The following PDE4D variants were observed in gnomAD, a reference collection of about 807,000 sequenced individuals.
PDE4D encodes phosphodiesterase 4D.
In PDE4D, 24 loss-of-function variants were observed where a neutral mutation model predicts 87.4. The observed-to-expected ratio is 0.27, with a 90% CI of 0.20 to 0.39. PDE4D has a LOEUF of 0.39. PDE4D is among the 10% of genes least tolerant of loss of function. The pLI is 1.00. For synonymous variants in PDE4D, 384 were observed against 383.2 expected (o/e 1.00, Z -0.02); for missense variants, 714 against 1,041.0 (o/e 0.69, Z 4.32).
chr5:59,546,895 T>C (rs932855795), intron 1 of PDE4D, among the ~76,000 whole-genome samples: 1 of 152,136 alleles, frequency 6.6e-6, no homozygotes, highest in Non-Finnish European at 1.5e-5. Flanking sequence ...CTGAACTGGG[T>C]GAGTATACTC....
At chr5:59,434,032 C>T (rs1210024506) in intron 1 of PDE4D, among the ~76,000 whole-genome samples, 2 of 145,982 alleles carry the variant, frequency 1.4e-5, no homozygotes, top group Non-Finnish European at 3.0e-5. Context: ...CTAAAGAAGT[C>T]TCATCTTTAG....
chr5:59,983,443 A>T (rs1472159580), intron 3 of PDE4D, among the ~76,000 whole-genome samples: 1 of 152,162 alleles, frequency 6.6e-6, no homozygotes. Context: ...CACTGTTTAG[A>T]ACAAAATATT....
intron 1 of PDE4D, among the ~76,000 whole-genome samples, chr5:59,314,977 C>T (rs1277676289): frequency 6.6e-6 from 1 of 152,130 alleles, no homozygotes; most frequent in East Asian, 1.9e-4. Context: ...GTAAAGCTAC[C>T]AGGAAGTTCA....
At chr5:59,849,901 T>C (rs1744419014) in intron 1 of PDE4D, among the ~76,000 whole-genome samples, 1 of 152,080 alleles carries the variant, frequency 6.6e-6, no homozygotes, top group South Asian at 2.1e-4. Context: ...ATTTAGGCAG[T>C]GTTCTCATTG....
chr5:60,219,297 T>C (rs75922875), intron 1 of PDE4D, among the ~76,000 whole-genome samples: 2,544 of 152,274 alleles, frequency 0.017, 40 homozygotes, highest in East Asian at 0.071. Context: ...AATAGATGTA[T>C]GACTTTTGTC....
intron 1 of PDE4D, among the ~76,000 whole-genome samples, chr5:59,242,900 G>A (rs185641712): frequency 2.0e-5 from 3 of 152,190 alleles, no homozygotes; most frequent in African/African-American, 7.2e-5. Context: ...CTCACAATAT[G>A]GCCTTAGAAT....
intron 6 of PDE4D, among the ~76,000 whole-genome samples, chr5:59,014,971 T>A (rs1580301909): frequency 6.6e-6 from 1 of 152,092 alleles, no homozygotes; most frequent in African/African-American, 2.4e-5. Flanking sequence ...TAATACCACA[T>A]GTCTACAACC....
intron 1 of PDE4D, among the ~76,000 whole-genome samples, chr5:59,890,254 TACAC>T (rs56258601): frequency 0.055 from 8,006 of 145,364 alleles, 228 homozygotes; most frequent in Middle Eastern, 0.079. Context: ...GGTGCGCACG[TACAC>T]ACACACACAC....
Position 59,985,137 on chromosome 5 carries a change from TGTTTTTTG to T in PDE4D, c.272+3343_272+3350del, listed in dbSNP as rs1561944509. ...ACTTCACCTTTCGTTTTTTGTTTTT[TGTTTTTTG>T]TTTTTTATTTTGAGACAGAGTCTCA... On this transcript the variant is annotated intron_variant, in intron 3 of 16. Coordinates refer to the PDE4D transcript ENST00000502484. 5.5e-4 allele frequency among the ~76,000 whole-genome samples: 63 copies of T among 114,570 alleles called. 14 individuals carry two copies. Among genetic ancestry groups the T allele is most frequent in the East Asian group, 3.8e-3 (8 of 2,120 alleles). The allele number at this position is 114,570 out of a possible 152,430, so 75.2% of individuals were successfully genotyped here. A position where few individuals can be genotyped will look rare whatever the true frequency, so the allele number is the denominator to read the frequency against.
intron 5 of PDE4D, among the ~76,000 whole-genome samples, chr5:59,177,004 C>G (rs188157390): frequency 6.6e-6 from 1 of 152,320 alleles, no homozygotes; most frequent in East Asian, 1.9e-4. Flanking sequence ...CTTTCTCTCA[C>G]TGTTCCCTTT....
intron 2 of PDE4D, among the ~76,000 whole-genome samples, chr5:60,047,482 C>T (rs1402973470): frequency 6.6e-6 from 1 of 152,134 alleles, no homozygotes; most frequent in African/African-American, 2.4e-5. Context: ...TTAGATCTTT[C>T]CTGCTTTCTC....
Position 60,166,284 on chromosome 5 carries a change from C to T in PDE4D, c.42+19273G>A, listed in dbSNP as rs536500026. On this transcript the variant is annotated intron_variant, in intron 2 of 16. Transcript: ENST00000502484. ...TAATTTTTTGTATTCTTAGTAGAGA[C>T]GAGGTTTCCATAATTTTAACAAGTT... Among the ~76,000 whole-genome samples the T allele has an allele frequency of 4.6e-5, 7 of 152,096 alleles. No homozygotes were observed. In the East Asian group the frequency reaches 1.4e-3, roughly 29 times the overall value.
intron 2 of PDE4D, among the ~76,000 whole-genome samples, chr5:59,209,118 C>A (rs1054105658): frequency 6.6e-6 from 1 of 152,116 alleles, no homozygotes; most frequent in African/African-American, 2.4e-5. Context: ...AGCTTGGAAA[C>A]TGTTATTTTT....
At chr5:59,789,799 C>T (rs755413550) in intron 1 of PDE4D, among the ~76,000 whole-genome samples, 1 of 152,138 alleles carries the variant, frequency 6.6e-6, no homozygotes, top group Non-Finnish European at 1.5e-5. Context: ...GGTCAGCGTT[C>T]TTCTAGGAGT....
chr5:59,659,978 A>T (rs904728251), intron 1 of PDE4D, among the ~76,000 whole-genome samples: 7 of 152,090 alleles, frequency 4.6e-5, no homozygotes, highest in Non-Finnish European at 8.8e-5. Context: ...TGAACTCAGG[A>T]GTTTGAGACT....
chr5:59,599,969 T>C (rs1428764617), intron 1 of PDE4D, among the ~76,000 whole-genome samples: 1 of 152,242 alleles, frequency 6.6e-6, no homozygotes, highest in Non-Finnish European at 1.5e-5. Context: ...CTTTGTCTCA[T>C]GGTACTTTTG....
intron 1 of PDE4D, among the ~76,000 whole-genome samples, chr5:59,840,739 C>T (rs1742872543): frequency 6.6e-6 from 1 of 151,944 alleles, no homozygotes; most frequent in South Asian, 2.1e-4. Flanking sequence ...TTAGGGAGAA[C>T]ATTATGGCAA....
chr5:59,298,002 C>T (rs1438531698), intron 1 of PDE4D, among the ~76,000 whole-genome samples: 1 of 151,770 alleles, frequency 6.6e-6, no homozygotes, highest in Non-Finnish European at 1.5e-5. Flanking sequence ...AATGGGTTCC[C>T]TTGGGGTTGG....
At chr5:60,368,934 C>T (rs549781944) in intron 1 of PDE4D, among the ~76,000 whole-genome samples, 1 of 152,168 alleles carries the variant, frequency 6.6e-6, no homozygotes, top group African/African-American at 2.4e-5. Flanking sequence ...AATAAAATAC[C>T]CTGTCTCAGG....
Sources: gnomAD v4.1 joint callset for allele counts (sites outside exome capture counted in the v4.1 genomes callset) on GRCh38, gnomAD v4.1.1 for gene constraint, MANE v1.5 for transcripts, NCBI Gene and HGNC (gene_info 2026-07-23, HGNC 2026-07-21) for gene names.